KCNQ5: variants seen among roughly 807,000 people sequenced by gnomAD.
KCNQ5 encodes the protein potassium voltage-gated channel subfamily Q member 5.
A neutral mutation model predicts 98.2 loss-of-function variants in KCNQ5; 30 were observed. That is an observed-to-expected ratio of 0.31 (90% CI 0.23 to 0.41). The LOEUF (loss-of-function observed/expected upper bound fraction) is 0.41. KCNQ5 is among the 10% of genes least tolerant of loss of function. KCNQ5 has a pLI of 1.00. For synonymous variants in KCNQ5, 458 were observed against 449.4 expected, an observed-to-expected ratio of 1.02 and a Z score of -0.24; for missense variants, 835 against 1,182.5, an observed-to-expected ratio of 0.71 and a Z score of 4.31.
chr6:72,876,754 T>C (rs1025989119), intron 1 of KCNQ5, among the ~76,000 whole-genome samples: 40 of 152,220 alleles, frequency 2.6e-4, no homozygotes, highest in African/African-American at 9.4e-4. Flanking sequence ...AGAGTTAAAA[T>C]TGTTTATCAC....
Position 73,077,897 on chromosome 6 carries a change from A to G in KCNQ5, c.918+10A>G. 1 of 1,576,406 alleles carries G rather than the reference A, an allele frequency of 6.3e-7. No homozygotes were observed. The highest frequency in any genetic ancestry group is 8.6e-7 in the Non-Finnish European group (1 of 1,165,764). ...TCTCTGGTGGGGCACAGTAAGTATA[A>G]AAATACATTTTTTATTTATTGGATG... On this transcript the variant is annotated intron_variant, in intron 5 of 13. Transcript: ENST00000370398.
chr6:72,632,138 CTTTTTTT>C (rs71540354), intron 1 of KCNQ5, among the ~76,000 whole-genome samples: 1 of 127,672 alleles, frequency 7.8e-6, no homozygotes, highest in East Asian at 2.3e-4. Flanking sequence ...TTCTTTCTTT[CTTTTTTT>C]TTTTTTTTTT....
At chr6:72,873,565 T>G (rs1581936683) in intron 1 of KCNQ5, among the ~76,000 whole-genome samples, 1 of 152,100 alleles carries the variant, frequency 6.6e-6, no homozygotes, top group East Asian at 1.9e-4. Flanking sequence ...CTTCCAGATA[T>G]CAGATGTGAT....
intron 1 of KCNQ5, among the ~76,000 whole-genome samples, chr6:72,665,482 T>C (rs1374580224): frequency 2.0e-5 from 3 of 152,190 alleles, no homozygotes; most frequent in Non-Finnish European, 4.4e-5. Context: ...TTGCCAAGAA[T>C]TTCTGAAAAG....
chr6:72,698,289 C>T lies in KCNQ5; in HGVS notation c.398+75702C>T, dbSNP rs545022897. Among the ~76,000 whole-genome samples the T allele has an allele frequency of 7.9e-5, 12 of 152,158 alleles. No homozygotes were observed. In the South Asian group the frequency reaches 1.0e-3, roughly 13 times the overall value. Reference sequence around the variant, plus strand: ...GTGATCTTGGCTCACCGGTAACCTCCGCCTCCCAGGCTCAAGCGACTCTCC... The same window carrying T: ...GTGATCTTGGCTCACCGGTAACCTCTGCCTCCCAGGCTCAAGCGACTCTCC... On this transcript the variant is annotated intron_variant, in intron 1 of 13. Coordinates refer to ENST00000370398, the MANE Select transcript of KCNQ5 (RefSeq NM_019842.4).
chr6:73,189,366 G>A (rs1765503604), intron 11 of KCNQ5, among the ~76,000 whole-genome samples: 2 of 152,182 alleles, frequency 1.3e-5, no homozygotes, highest in South Asian at 4.1e-4. Context: ...GGAATAATTA[G>A]GATATAATTA....
intron 1 of KCNQ5, chr6:72,986,750 TC>T: frequency 1.4e-6 from 2 of 1,473,488 alleles, no homozygotes; most frequent in Non-Finnish European, 1.9e-6. Flanking sequence ...GGTGAAAACC[TC>T]CCCAGACCCC....
At chr6:73,126,138 C>G (rs182557010) in intron 9 of KCNQ5, among the ~76,000 whole-genome samples, 1 of 152,252 alleles carries the variant, frequency 6.6e-6, no homozygotes, top group East Asian at 1.9e-4. Flanking sequence ...ATTTTAAAAG[C>G]TTTCATTGTC....
At chr6:72,753,369 A>G (rs1034837274) in intron 1 of KCNQ5, among the ~76,000 whole-genome samples, 2 of 151,986 alleles carry the variant, frequency 1.3e-5, no homozygotes, top group African/African-American at 4.8e-5. Flanking sequence ...TAATTGTTGG[A>G]TATTTGGTTT....
chr6:72,742,689 A>G (rs539174062), intron 1 of KCNQ5, among the ~76,000 whole-genome samples: 3 of 152,224 alleles, frequency 2.0e-5, no homozygotes, highest in Non-Finnish European at 4.4e-5. Context: ...AAACCCTGCT[A>G]TTTTTAATGG....
intron 2 of KCNQ5, among the ~76,000 whole-genome samples, chr6:73,021,176 A>G (rs1335317010): frequency 6.6e-6 from 1 of 152,180 alleles, no homozygotes; most frequent in African/African-American, 2.4e-5. Flanking sequence ...AACACAGCTC[A>G]GAGGGAATGG....
chr6:73,033,056 T>C (rs1771221762), intron 2 of KCNQ5, among the ~76,000 whole-genome samples: 1 of 152,122 alleles, frequency 6.6e-6, no homozygotes, highest in African/African-American at 2.4e-5. Context: ...AACCCATCCC[T>C]AAGGATCTAA....
intron 2 of KCNQ5, among the ~76,000 whole-genome samples, chr6:73,005,576 A>G (rs144654728): frequency 1.2e-4 from 19 of 152,342 alleles, no homozygotes; most frequent in African/African-American, 4.6e-4. Context: ...AAATAGTCCA[A>G]AGAAACCCAT....
chr6:72,699,914 C>T (rs1216527215), intron 1 of KCNQ5, among the ~76,000 whole-genome samples: 1 of 152,252 alleles, frequency 6.6e-6, no homozygotes, highest in South Asian at 2.1e-4. Flanking sequence ...TTCCATGCAA[C>T]ACACCTTACT....
intron 1 of KCNQ5, among the ~76,000 whole-genome samples, chr6:72,837,974 T>G (rs1343420799): frequency 6.6e-6 from 1 of 152,092 alleles, no homozygotes; most frequent in African/African-American, 2.4e-5. Flanking sequence ...TTATTATACT[T>G]TAAGTTTTAG....
intron 1 of KCNQ5, among the ~76,000 whole-genome samples, chr6:72,939,750 T>C (rs1766136395): frequency 6.6e-6 from 1 of 152,204 alleles, no homozygotes; most frequent in African/African-American, 2.4e-5. Context: ...ATCTCTGGTA[T>C]AGACCACATA....
intron 3 of KCNQ5, among the ~76,000 whole-genome samples, chr6:73,060,460 G>T (rs2150374787): frequency 6.6e-6 from 1 of 152,122 alleles, no homozygotes; most frequent in East Asian, 1.9e-4. Context: ...AAAATACTGG[G>T]CAGAAGAAAT....
chr6:73,175,510 C>G (rs1778180238), intron 11 of KCNQ5, among the ~76,000 whole-genome samples: 1 of 152,174 alleles, frequency 6.6e-6, no homozygotes, highest in African/African-American at 2.4e-5. Context: ...CCAAGTAAAT[C>G]TCACCTCTTT....
intron 1 of KCNQ5, among the ~76,000 whole-genome samples, chr6:72,820,430 A>G (rs1322276412): frequency 6.6e-6 from 1 of 152,068 alleles, no homozygotes; most frequent in Non-Finnish European, 1.5e-5. Context: ...TGAGGACACT[A>G]ACAAATCTAG....
Sources: allele counts gnomAD v4.1 joint callset (sites outside exome capture counted in the v4.1 genomes callset), GRCh38; gene constraint gnomAD v4.1.1; transcripts MANE v1.5; gene names NCBI Gene and HGNC (gene_info 2026-07-23, HGNC 2026-07-21).